The following CRYBG1 variants were observed in gnomAD, a reference collection of about 807,000 sequenced individuals.
The protein encoded by CRYBG1 is beta/gamma crystallin domain-containing protein 1.
Under a neutral mutation model 189.2 loss-of-function variants are expected in CRYBG1, and 139 were observed. The observed-to-expected ratio is 0.73, with a 90% CI of 0.64 to 0.85. The LOEUF (loss-of-function observed/expected upper bound fraction) is 0.85, where lower values mean the gene tolerates loss of function less well. Among genes scored for constraint, CRYBG1 ranks in the 40% least tolerant of loss-of-function variants. The pLI is 0.00. For missense variants in CRYBG1, 2,611 were observed against 2,675.8 expected, an observed-to-expected ratio of 0.98 and a Z score of 0.53; for synonymous variants, 1,023 against 1,017.1, an observed-to-expected ratio of 1.01 and a Z score of -0.11.
chr6:106,512,601 A>C lies in CRYBG1; in HGVS notation c.1484A>C (p.Gln495Pro). The change falls in exon 3 of 22, where the codon CAG (glutamine) becomes CCG (proline). Residue 495 changes from glutamine to proline, a missense_variant. Gln to Pro is a moderately conservative substitution (Grantham distance 76, BLOSUM62 -1). Coordinates refer to ENST00000633556, the MANE Select transcript of CRYBG1 (RefSeq NM_001371242.2). ...AAGCCCAGCCCCGGTACCAAAGGGC[A>C]GCTCCGAGGGGAGTCGGACCGGAGC... ...ESKPSPGTKGQLRGESDRSKQ... is the reference protein window; with the variant it reads ...ESKPSPGTKGPLRGESDRSKQ... 2 of 1,603,770 alleles carry C rather than the reference A, an allele frequency of 1.2e-6. No homozygotes were observed. The highest frequency in any genetic ancestry group is 2.2e-5 in the South Asian group (2 of 89,636).
At chr6:106,362,159 C>T (rs1026171894) in intron 1 of CRYBG1, among the ~76,000 whole-genome samples, 1 of 150,996 alleles carries the variant, frequency 6.6e-6, no homozygotes, top group African/African-American at 2.4e-5. Context: ...TTAGTAGAAA[C>T]GGGGTTTCAC....
chr6:106,497,214 A>T (rs908463881), intron 2 of CRYBG1, among the ~76,000 whole-genome samples: 5 of 152,050 alleles, frequency 3.3e-5, no homozygotes, highest in Non-Finnish European at 5.9e-5. Flanking sequence ...ATAAAACCAA[A>T]TTCCATACGA....
intron 1 of CRYBG1, among the ~76,000 whole-genome samples, chr6:106,373,469 C>A (rs565621629): frequency 6.6e-6 from 1 of 152,004 alleles, no homozygotes; most frequent in East Asian, 1.9e-4. Flanking sequence ...AATTTGTAGG[C>A]GATACAGTTG....
intron 7 of CRYBG1, among the ~76,000 whole-genome samples, chr6:106,528,853 T>C (rs1356649430): frequency 3.3e-5 from 5 of 152,210 alleles, no homozygotes; most frequent in Non-Finnish European, 5.9e-5. Context: ...TATTTATTAT[T>C]TCTTCTTTCA....
intron 2 of CRYBG1, among the ~76,000 whole-genome samples, chr6:106,454,351 C>T (rs1443985259): frequency 6.6e-6 from 1 of 152,158 alleles, no homozygotes; most frequent in African/African-American, 2.4e-5. Context: ...GTGCAAGACC[C>T]CACCTACCCA....
rs370992891 is a variant in CRYBG1 at position 106,555,617 on chromosome 6, T to C, written c.5586-151T>C. 4.0e-6 allele frequency: 4 copies of C among 1,005,012 alleles called. No homozygotes were observed. In the South Asian group the frequency reaches 5.1e-5, roughly 13 times the overall value. The allele number at this position is 1,005,012 out of a possible 1,614,324, so 62.3% of individuals were successfully genotyped here. On this transcript the variant is annotated intron_variant, in intron 16 of 21. Coordinates refer to ENST00000633556, the MANE Select transcript of CRYBG1 (RefSeq NM_001371242.2). ...TATTTTGCCACAAGCAGAAATGCAA[T>C]AAATATATCCAAATATTTTTGAAGA...
intron 2 of CRYBG1, among the ~76,000 whole-genome samples, chr6:106,500,229 C>A (rs1772972455): frequency 6.6e-6 from 1 of 152,074 alleles, no homozygotes; most frequent in African/African-American, 2.4e-5. Flanking sequence ...TATTGAGGAA[C>A]CTCCACACTA....
chr6:106,502,263 C>T (rs561529537), intron 2 of CRYBG1, among the ~76,000 whole-genome samples: 2 of 152,300 alleles, frequency 1.3e-5, no homozygotes, highest in East Asian at 3.9e-4. Flanking sequence ...AGTAACCATT[C>T]TTGATCTTTG....
intron 20 of CRYBG1, 48 bp downstream of exon 20, chr6:106,561,548 T>TG: frequency 6.4e-7 from 1 of 1,565,518 alleles, no homozygotes; most frequent in South Asian, 1.2e-5. Flanking sequence ...TGCTAGGAGG[T>TG]GACTCATCCT....
intron 2 of CRYBG1, 50 bp from the exon 3 acceptor site, chr6:106,511,380 A>G (rs1274925503): frequency 2.1e-6 from 3 of 1,446,982 alleles, no homozygotes; most frequent in Non-Finnish European, 2.7e-6. Context: ...GTCTAAGGGG[A>G]AAAACACCAG....
chr6:106,389,814 G>A (rs1436721888), intron 1 of CRYBG1, among the ~76,000 whole-genome samples: 1 of 151,764 alleles, frequency 6.6e-6, no homozygotes, highest in Non-Finnish European at 1.5e-5. Flanking sequence ...ATATGTTTTG[G>A]TTCAGTCGAC....
intron 15 of CRYBG1, 136 bp from the exon 16 acceptor site, chr6:106,553,319 T>G: frequency 1.6e-6 from 1 of 617,792 alleles, no homozygotes. Flanking sequence ...CATGGAAAAT[T>G]AAAGGATTTC....
At chr6:106,446,837 G>A (rs910260521) in intron 1 of CRYBG1, among the ~76,000 whole-genome samples, 14 of 152,280 alleles carry the variant, frequency 9.2e-5, no homozygotes, top group African/African-American at 2.9e-4. Flanking sequence ...ATAGCCATGC[G>A]GCTCTTTTAA....
chr6:106,547,565 C>T (rs1256295904), intron 13 of CRYBG1, among the ~76,000 whole-genome samples: 1 of 152,122 alleles, frequency 6.6e-6, no homozygotes, highest in East Asian at 1.9e-4. Context: ...TACCTATTCA[C>T]TTTAAATAGT....
chr6:106,498,123 G>A (rs548049171), intron 2 of CRYBG1, among the ~76,000 whole-genome samples: 1 of 147,298 alleles, frequency 6.8e-6, no homozygotes, highest in Non-Finnish European at 1.5e-5. Flanking sequence ...AAAAAAGTCA[G>A]CTGAAATAAA....
intron 1 of CRYBG1, among the ~76,000 whole-genome samples, chr6:106,415,811 G>T (rs894410753): frequency 1.3e-5 from 2 of 152,146 alleles, no homozygotes; most frequent in African/African-American, 4.8e-5. Flanking sequence ...TCAAATGCTG[G>T]CTGTCTCTCT....
rs778502167 is a variant in CRYBG1, at chr6:106,512,909, C to T, written c.1792C>T (p.Arg598Trp). 5 of 1,605,204 alleles carry T rather than the reference C, an allele frequency of 3.1e-6. No individual in the cohort carries two copies. Among genetic ancestry groups the T allele is most frequent in the Admixed American group, 3.4e-5 (2 of 58,958 alleles). The change falls in exon 3 of 22, where the codon CGG becomes TGG. Residue 598 changes from arginine (R) to tryptophan (W), a missense_variant. Coordinates refer to ENST00000633556, the MANE Select transcript of CRYBG1 (RefSeq NM_001371242.2). Reference sequence around the variant, plus strand: ...CCCGCTCCCCAACCACTTCAACGGCCGGGCAGAGGGAGGTCGAAGCAGAGA... The same window carrying T: ...CCCGCTCCCCAACCACTTCAACGGCTGGGCAGAGGGAGGTCGAAGCAGAGA... ...RGPLPNHFNG[R>W]AEGGRSRELG...
chr6:106,547,482 G>T (rs1354905515), intron 13 of CRYBG1, among the ~76,000 whole-genome samples: 1 of 152,196 alleles, frequency 6.6e-6, no homozygotes, highest in Non-Finnish European at 1.5e-5. Flanking sequence ...ACTTTGTGGA[G>T]GAGGTGGCAT....
intron 1 of CRYBG1, among the ~76,000 whole-genome samples, chr6:106,437,210 T>A (rs1436048854): frequency 6.6e-6 from 1 of 152,212 alleles, no homozygotes; most frequent in Non-Finnish European, 1.5e-5. Flanking sequence ...ACCCTTTATT[T>A]CTTCAAATGC....
Sources: gnomAD v4.1 joint callset for allele counts (sites outside exome capture counted in the v4.1 genomes callset) on GRCh38, gnomAD v4.1.1 for gene constraint, MANE v1.5 for transcripts, NCBI Gene and HGNC (gene_info 2026-07-23, HGNC 2026-07-21) for gene names.